The following PIGL variants were observed in gnomAD, a reference collection of about 807,000 sequenced individuals.
The protein encoded by PIGL is phosphatidylinositol glycan anchor biosynthesis class L.
In PIGL, 22 loss-of-function variants were observed where a neutral mutation model predicts 31.1. The observed-to-expected ratio is 0.71, with a 90% CI of 0.51 to 1.01. PIGL has a LOEUF of 1.01. Among genes scored for constraint, PIGL ranks in the 50% least tolerant of loss-of-function variants. The pLI is 0.00. For missense variants in PIGL, 302 were observed against 315.9 expected (o/e 0.96, Z 0.33); for synonymous variants, 131 against 117.4 (o/e 1.12, Z -0.75).
chr17:16,267,825 G>A (rs1001777330), intron 2 of PIGL, among the ~76,000 whole-genome samples: 10 of 152,074 alleles, frequency 6.6e-5, no homozygotes, highest in Non-Finnish European at 1.3e-4. Context: ...GCCAGCCCAG[G>A]GGGTGCAACT....
chr17:16,302,220 G>A (rs2093007787), intron 3 of PIGL, among the ~76,000 whole-genome samples: 1 of 152,058 alleles, frequency 6.6e-6, no homozygotes, highest in African/African-American at 2.4e-5. Context: ...TTTCCTGGCT[G>A]GAAAAATGGT....
At chr17:16,320,896 A>G (rs2093102656) in intron 6 of PIGL, among the ~76,000 whole-genome samples, 1 of 149,866 alleles carries the variant, frequency 6.7e-6, no homozygotes, top group Admixed American at 6.7e-5. Context: ...CGGCCTCCCA[A>G]AGTGCTGGGA....
chr17:16,304,231 G>A (rs1236911461), intron 3 of PIGL, among the ~76,000 whole-genome samples: 2 of 152,208 alleles, frequency 1.3e-5, no homozygotes, highest in Non-Finnish European at 2.9e-5. Flanking sequence ...AGATGATGAA[G>A]CAGCAACACA....
rs1568772800 is a variant in PIGL, at chr17:16,220,484, T to TTTA, written c.235+3025_235+3026insATT. Among the ~76,000 whole-genome samples the TTTA allele has an allele frequency of 1.4e-4, 5 of 36,394 alleles. 1 individual carries two copies. Among genetic ancestry groups the TTTA allele is most frequent in the South Asian group, 7.6e-4 (1 of 1,320 alleles). The allele number at this position is 36,394 out of a possible 152,430, so 23.9% of individuals were successfully genotyped here. ...TTTGTGTTTTTTTAAATTGTTATTT[T>TTTA]TTTTTTTTTTTTTTTTTTTTTTGAG... On this transcript the variant is annotated intron_variant, in intron 1 of 6. Transcript: ENST00000225609.
chr17:16,237,834 C>T (rs1465368706), intron 2 of PIGL, among the ~76,000 whole-genome samples: 6 of 149,096 alleles, frequency 4.0e-5, no homozygotes, highest in Non-Finnish European at 7.4e-5. Context: ...AATTGAATCT[C>T]TTTTCTGTCA....
chr17:16,218,223 CTT>C (rs2092605869), intron 1 of PIGL: 1 of 152,212 alleles, frequency 6.6e-6, no homozygotes, highest in Non-Finnish European at 1.5e-5. Context: ...CCCATGACCT[CTT>C]TTCCCATTTG....
intron 3 of PIGL, among the ~76,000 whole-genome samples, chr17:16,308,856 A>AT (rs2142852891): frequency 7.3e-6 from 1 of 137,240 alleles, no homozygotes; most frequent in Admixed American, 8.1e-5. Context: ...TGGTGTGATC[A>AT]TGGCTCACTG....
chr17:16,313,561 T>C lies in PIGL; in HGVS notation c.441T>C (p.Asp147=). 6.2e-7 allele frequency: 1 copy of C among 1,613,890 alleles called. No homozygotes were observed. The highest frequency in any genetic ancestry group is 8.5e-7 in the Non-Finnish European group (1 of 1,179,716). ...VNGINLVVTF[D]AGGVSGHSNH... ...TTTCTCTACAGGTGGTGACTTTCGA[T>C]GCAGGGGGAGTAAGTGGCCACAGCA... Residue 147 remains aspartate, a synonymous_variant, in exon 4 of 7, where the codon GAT becomes GAC. Transcript: ENST00000225609.
At chr17:16,247,793 T>G (rs925714303) in intron 2 of PIGL, among the ~76,000 whole-genome samples, 1 of 152,218 alleles carries the variant, frequency 6.6e-6, no homozygotes, top group African/African-American at 2.4e-5. Context: ...GTTATTGAGG[T>G]GGTTGATTAC....
intron 2 of PIGL, among the ~76,000 whole-genome samples, chr17:16,243,974 G>GA (rs2092734005): frequency 6.6e-6 from 1 of 152,226 alleles, no homozygotes; most frequent in Non-Finnish European, 1.5e-5. Context: ...CCAGTGAGCT[G>GA]ATTGGTCAGA....
intron 2 of PIGL, among the ~76,000 whole-genome samples, chr17:16,236,789 G>A (rs1316928331): frequency 3.9e-5 from 6 of 152,008 alleles, no homozygotes; most frequent in Admixed American, 6.6e-5. Flanking sequence ...GGCTGGTCTC[G>A]AACTCCTGAC....
intron 2 of PIGL, among the ~76,000 whole-genome samples, chr17:16,286,808 G>A (rs1384391182): frequency 6.6e-6 from 1 of 152,040 alleles, no homozygotes; most frequent in African/African-American, 2.4e-5. Context: ...ATGTTAATGA[G>A]GTGCCTCATG....
At position 16,258,121 on chromosome 17, in the gene PIGL, GAGAA is replaced by G. The variant is rs1262325211; in HGVS notation, c.335+24055_335+24058del. ...AGAGAGAAAGAGAGAGAGAGAGAGA[GAGAA>G]AGAGAGAGAGAGAAAGAGAGAGAGA... On this transcript the variant is annotated intron_variant, in intron 2 of 6. Coordinates refer to ENST00000225609, the MANE Select transcript of PIGL (RefSeq NM_004278.4). 5.7e-5 allele frequency among the ~76,000 whole-genome samples: 7 copies of G among 122,438 alleles called. No homozygotes were observed. In the South Asian group the frequency reaches 1.0e-3, roughly 18 times the overall value. The allele number at this position is 122,438 out of a possible 152,430, so 80.3% of individuals were successfully genotyped here.
intron 3 of PIGL, among the ~76,000 whole-genome samples, chr17:16,301,723 C>A (rs987962727): frequency 1.3e-5 from 2 of 151,952 alleles, no homozygotes; most frequent in African/African-American, 4.8e-5. Flanking sequence ...AGGCGCCCAC[C>A]ACCACACCCA....
At chr17:16,246,690 T>G (rs2092749491) in intron 2 of PIGL, among the ~76,000 whole-genome samples, 3 of 97,590 alleles carry the variant, frequency 3.1e-5, no homozygotes, top group Non-Finnish European at 6.7e-5. Context: ...TTTTTTTTTT[T>G]TTTTTTGAGA....
At chr17:16,265,347 T>C (rs1037661165) in intron 2 of PIGL, among the ~76,000 whole-genome samples, 1 of 152,156 alleles carries the variant, frequency 6.6e-6, no homozygotes, top group South Asian at 2.1e-4. Context: ...ACAGATGATT[T>C]AGGGCTGGAG....
At chr17:16,271,358 C>T (rs560501728) in intron 2 of PIGL, among the ~76,000 whole-genome samples, 38 of 152,260 alleles carry the variant, frequency 2.5e-4, no homozygotes, top group Middle Eastern at 3.4e-3. Flanking sequence ...GTTAGATTAT[C>T]TCTGAGGTTT....
At chr17:16,296,646 G>A (rs1033719476) in intron 2 of PIGL, among the ~76,000 whole-genome samples, 16 of 150,870 alleles carry the variant, frequency 1.1e-4, no homozygotes, top group African/African-American at 3.9e-4. Flanking sequence ...AGACTGGGGA[G>A]TTCTTTCTTT....
At chr17:16,219,628 C>T (rs2092616992) in intron 1 of PIGL, among the ~76,000 whole-genome samples, 1 of 151,994 alleles carries the variant, frequency 6.6e-6, no homozygotes, top group African/African-American at 2.4e-5. Flanking sequence ...AGTGCAGGGG[C>T]GCAATCTCAG....
Sources: gnomAD v4.1 joint callset for allele counts (sites outside exome capture counted in the v4.1 genomes callset) on GRCh38, gnomAD v4.1.1 for gene constraint, MANE v1.5 for transcripts, NCBI Gene and HGNC (gene_info 2026-07-23, HGNC 2026-07-21) for gene names.